GNB1L: variants seen among roughly 807,000 people sequenced by gnomAD.
GNB1L encodes the protein G protein subunit beta 1 like.
In GNB1L, 20 loss-of-function variants were observed where a neutral mutation model predicts 29.1. The observed-to-expected ratio is 0.69, with a 90% CI of 0.48 to 1.00. The LOEUF (loss-of-function observed/expected upper bound fraction) is 1.00, where lower values mean the gene tolerates loss of function less well. Among genes scored for constraint, GNB1L ranks in the 50% least tolerant of loss-of-function variants. The pLI, the probability that GNB1L is intolerant of heterozygous loss-of-function variation, is 0.00. For synonymous variants in GNB1L, 193 were observed against 206.5 expected (o/e 0.93, Z 0.56); for missense variants, 421 against 464.9 (o/e 0.91, Z 0.87).
intron 2 of GNB1L, among the ~76,000 whole-genome samples, chr22:19,826,668 A>G (rs1937621863): frequency 6.6e-6 from 1 of 152,218 alleles, no homozygotes; most frequent in Non-Finnish European, 1.5e-5. Flanking sequence ...TTACTCTCCA[A>G]ACTGTTTACT....
Position 19,802,009 on chromosome 22 carries a change from C to T in GNB1L, c.724G>A (p.Ala242Thr). ...LAVWSLDWQQ[A>T]LQVRGTHELT... The stretch of plus-strand genomic sequence containing the variant: ...GGGCCTGGCGCACTGACCTGCAGGG[C>T]CTGCTGCCAGTCCAGGCTCCAGACA... The change falls in exon 7 of 8, where the codon GCC becomes ACC. Residue 242 changes from alanine (A) to threonine (T), a missense_variant. Transcript: ENST00000329517. 6.3e-7 allele frequency: 1 copy of T among 1,587,210 alleles called. No individual in the cohort carries two copies. Among genetic ancestry groups the T allele is most frequent in the South Asian group, 1.1e-5 (1 of 87,874 alleles).
At chr22:19,805,074 G>A (rs1937417348) in intron 6 of GNB1L, among the ~76,000 whole-genome samples, 1 of 152,186 alleles carries the variant, frequency 6.6e-6, no homozygotes, top group Admixed American at 6.5e-5. Flanking sequence ...AGTCCCTGTG[G>A]CCCGGCTGTG....
At chr22:19,793,080 A>G (rs1937270044) in intron 7 of GNB1L, 2 of 1,575,468 alleles carry the variant, frequency 1.3e-6, no homozygotes, top group Non-Finnish European at 1.7e-6. Context: ...AGAACTTGCC[A>G]CTAAACTGGG....
At chr22:19,802,808 C>T (rs1937390191) in intron 6 of GNB1L, among the ~76,000 whole-genome samples, 1 of 152,360 alleles carries the variant, frequency 6.6e-6, no homozygotes, top group South Asian at 2.1e-4. Context: ...TGGCGTGAGC[C>T]GCCCGAGCTC....
chr22:19,821,213 G>A lies in GNB1L; in HGVS notation c.128+15C>T, dbSNP rs545747593. The stretch of plus-strand genomic sequence containing the variant: ...TGGCCCTGGGTGGCCTGGGGCTGGG[G>A]CCACAGCTACTCACCCTGAGAAGAG... On this transcript the variant is annotated intron_variant, in intron 3 of 7. Coordinates refer to ENST00000329517, the MANE Select transcript of GNB1L (RefSeq NM_053004.3). 1.2e-6 allele frequency: 2 copies of A among 1,603,284 alleles called. No individual in the cohort carries two copies. The highest frequency in any genetic ancestry group is 1.7e-6 in the Non-Finnish European group (2 of 1,173,658).
intron 2 of GNB1L, chr22:19,851,603 A>G (rs778085955): frequency 1.3e-5 from 21 of 1,597,926 alleles, no homozygotes; most frequent in Non-Finnish European, 1.7e-5. Flanking sequence ...CAGGCCCTCT[A>G]AGAACCTAGC....
chr22:19,820,495 C>T, intron 4 of GNB1L, 103 bp downstream of exon 4: 1 of 1,305,952 alleles, frequency 7.7e-7, no homozygotes, highest in Admixed American at 2.1e-5. Flanking sequence ...CTTCTGGTTC[C>T]CCCACCCCAT....
At chr22:19,848,871 G>C in intron 2 of GNB1L, 1 of 985,470 alleles carries the variant, frequency 1.0e-6, no homozygotes, top group Non-Finnish European at 1.2e-6. Context: ...AAGGTGGCCT[G>C]TCCAGAAGCC....
chr22:19,830,448 A>T (rs1937663671), intron 2 of GNB1L, among the ~76,000 whole-genome samples: 1 of 152,172 alleles, frequency 6.6e-6, no homozygotes, highest in Admixed American at 6.5e-5. Flanking sequence ...TTTATACCAA[A>T]GAAGATAAAA....
chr22:19,819,521 C>T lies in GNB1L; in HGVS notation c.254+1077G>A, dbSNP rs16984225. The stretch of plus-strand genomic sequence containing the variant: ...GCCATCGCCATACGTTCACTAGGCT[C>T]TTCCCAGCAGGCACCTGGCCAGACA... On this transcript the variant is annotated intron_variant, in intron 4 of 7. Transcript: ENST00000329517. Among the ~76,000 whole-genome samples the T allele has an allele frequency of 3.9e-3, 589 of 152,274 alleles. 6 individuals are homozygous for T. Among genetic ancestry groups the T allele is most frequent in the African/African-American group, 0.013 (555 of 41,548 alleles).
intron 4 of GNB1L, among the ~76,000 whole-genome samples, chr22:19,818,950 C>A (rs1225184782): frequency 6.6e-6 from 1 of 152,200 alleles, no homozygotes; most frequent in Non-Finnish European, 1.5e-5. Context: ...CCTCCCACTC[C>A]CCATGGGAAA....
At chr22:19,803,729 G>C (rs1317887859) in intron 6 of GNB1L, among the ~76,000 whole-genome samples, 1 of 146,996 alleles carries the variant, frequency 6.8e-6, no homozygotes, top group Non-Finnish European at 1.5e-5. Flanking sequence ...GGCCAGGCGA[G>C]AGCAGCGGGG....
intron 5 of GNB1L, among the ~76,000 whole-genome samples, chr22:19,811,667 C>G (rs1937501989): frequency 6.6e-6 from 1 of 152,164 alleles, no homozygotes. Flanking sequence ...CTCCACCTAA[C>G]AGTGGCCTCC....
In GNB1L at chr22:19,816,051, G is replaced by A. The variant is rs550640255; in HGVS notation, c.255-3604C>T. On this transcript the variant is annotated intron_variant, in intron 4 of 7. Transcript: ENST00000329517. This position sits in a 1 kb window ranked among gnomAD's most constrained non-coding sequence, Gnocchi z 4.4. ...TCAACACCGCATCCTGACCAAGGGT[G>A]AGCCCCGACAGCCCACAGCCATCCT... Among the ~76,000 whole-genome samples, 6 of 152,328 alleles carry A rather than the reference G, an allele frequency of 3.9e-5. No individual in the cohort carries two copies. Among genetic ancestry groups the A allele is most frequent in the Admixed American group, 6.5e-5 (1 of 15,308 alleles).
intron 2 of GNB1L, chr22:19,851,354 A>G (rs1019262497): frequency 1.2e-6 from 2 of 1,614,042 alleles, no homozygotes; most frequent in Non-Finnish European, 1.7e-6. Flanking sequence ...TGACTCCGAC[A>G]GTCTAGGGAC....
At chr22:19,852,591 G>GC in intron 2 of GNB1L, 1 of 306,148 alleles carries the variant, frequency 3.3e-6, no homozygotes, top group Non-Finnish European at 6.0e-6. Context: ...ACCCAACTAG[G>GC]AGCTTTGAAT....
chr22:19,822,056 G>A (rs368471149), intron 2 of GNB1L, among the ~76,000 whole-genome samples: 6 of 152,132 alleles, frequency 3.9e-5, no homozygotes, highest in East Asian at 3.9e-4. Flanking sequence ...GTCCCGGGGG[G>A]CTGCTAGGAG....
At chr22:19,840,788 C>T (rs1332526233) in intron 2 of GNB1L, among the ~76,000 whole-genome samples, 3 of 149,436 alleles carry the variant, frequency 2.0e-5, no homozygotes, top group Non-Finnish European at 4.4e-5. Flanking sequence ...CCAGCCTAGG[C>T]GAAGAAGCGA....
chr22:19,806,506 C>T (rs1409029833), intron 6 of GNB1L, among the ~76,000 whole-genome samples, 153 bp downstream of exon 6: 1 of 152,232 alleles, frequency 6.6e-6, no homozygotes. Flanking sequence ...AGCAGAGGGC[C>T]GTGGGGACAC....
Sources: gnomAD v4.1 joint callset for allele counts (sites outside exome capture counted in the v4.1 genomes callset) on GRCh38, gnomAD v4.1.1 for gene constraint, Gnocchi (gnomAD v3.1) non-coding constraint, MANE v1.5 for transcripts, NCBI Gene and HGNC (gene_info 2026-07-23, HGNC 2026-07-21) for gene names.